The following DLGAP2 variants were observed in gnomAD, a reference collection of about 807,000 sequenced individuals.
The protein encoded by DLGAP2 is disks large-associated protein 2.
Under a neutral mutation model 100.3 loss-of-function variants are expected in DLGAP2, and 26 were observed. The ratio of observed to expected loss-of-function variants is 0.26; its 90% CI spans 0.19 to 0.36. DLGAP2 has a LOEUF of 0.36. Among genes scored for constraint, DLGAP2 ranks in the 10% least tolerant of loss-of-function variants. The pLI is 1.00. For missense variants in DLGAP2, 1,858 were observed against 1,453.2 expected (o/e 1.28, Z -4.53); for synonymous variants, 886 against 630.1 (o/e 1.41, Z -6.08).
chr8:761,184 C>T (rs1002353814), intron 1 of DLGAP2, among the ~76,000 whole-genome samples: 1 of 152,038 alleles, frequency 6.6e-6, no homozygotes, highest in African/African-American at 2.4e-5. Context: ...CTTCTCTGCT[C>T]CCCCCCACTT....
intron 1 of DLGAP2, among the ~76,000 whole-genome samples, chr8:777,494 G>C (rs200283863): frequency 3.0e-4 from 42 of 141,610 alleles, no homozygotes; most frequent in African/African-American, 1.1e-3. Flanking sequence ...GGTACCAGTT[G>C]TTCCTTTCCA....
At chr8:1,330,724 C>T (rs1245331627) in intron 3 of DLGAP2, among the ~76,000 whole-genome samples, 3 of 125,100 alleles carry the variant, frequency 2.4e-5, no homozygotes, top group Admixed American at 8.2e-5. Flanking sequence ...GTGGGAGCGC[C>T]ACTTCACCAG....
At chr8:749,608 A>T in intron 1 of DLGAP2, among the ~76,000 whole-genome samples, 1 of 152,210 alleles carries the variant, frequency 6.6e-6, no homozygotes, top group South Asian at 2.1e-4. Flanking sequence ...TACTTACAAA[A>T]ATGTTTGGCC....
chr8:1,049,200 C>G (rs762857740), intron 2 of DLGAP2, among the ~76,000 whole-genome samples: 1 of 152,120 alleles, frequency 6.6e-6, no homozygotes, highest in Non-Finnish European at 1.5e-5. Context: ...CATTGTCTCT[C>G]GAGTTACGGG....
At chr8:1,123,234 G>T (rs895824155) in intron 2 of DLGAP2, among the ~76,000 whole-genome samples, 7 of 152,130 alleles carry the variant, frequency 4.6e-5, no homozygotes, top group African/African-American at 1.4e-4. Flanking sequence ...AATGGCTTTT[G>T]CATTCTAAAA....
intron 1 of DLGAP2, among the ~76,000 whole-genome samples, chr8:819,182 G>A (rs1232646404): frequency 2.0e-5 from 3 of 152,210 alleles, no homozygotes; most frequent in Non-Finnish European, 4.4e-5. Flanking sequence ...TGTTAAGTAT[G>A]AGCGTAAGCT....
chr8:1,118,480 A>G (rs898473774), intron 2 of DLGAP2, among the ~76,000 whole-genome samples: 3 of 152,212 alleles, frequency 2.0e-5, no homozygotes, highest in African/African-American at 2.4e-5. Flanking sequence ...CACTGGGACA[A>G]ATGTCTTCAT....
chr8:1,510,973 T>C (rs559392083), intron 4 of DLGAP2, among the ~76,000 whole-genome samples: 11 of 152,248 alleles, frequency 7.2e-5, no homozygotes, highest in Admixed American at 2.6e-4. Context: ...GCTAATGAGT[T>C]AGGCTTCTCC....
intron 3 of DLGAP2, among the ~76,000 whole-genome samples, chr8:1,385,681 C>G (rs1585322952): frequency 8.7e-6 from 1 of 115,318 alleles, no homozygotes; most frequent in Non-Finnish European, 1.9e-5. Flanking sequence ...GTGCCCGTCC[C>G]CTGAGAACTT....
chr8:748,596 C>T (rs563506470), intron 1 of DLGAP2, among the ~76,000 whole-genome samples: 6 of 152,304 alleles, frequency 3.9e-5, no homozygotes, highest in South Asian at 2.1e-4. Context: ...TCATTTACCA[C>T]GCACTTTAGC....
intron 6 of DLGAP2, among the ~76,000 whole-genome samples, chr8:1,584,626 G>A (rs765960125): frequency 2.0e-5 from 3 of 152,290 alleles, no homozygotes; most frequent in South Asian, 4.1e-4. Flanking sequence ...GGGTTCCCAG[G>A]TCCCTGACGA....
At chr8:1,315,618 G>T (rs376138030) in intron 3 of DLGAP2, among the ~76,000 whole-genome samples, 1 of 136,238 alleles carries the variant, frequency 7.3e-6, no homozygotes, top group South Asian at 2.7e-4. Context: ...CGAGAAACTC[G>T]GCAGCTTTTA....
chr8:1,099,183 A>G (rs1804498233), intron 2 of DLGAP2, among the ~76,000 whole-genome samples: 2 of 152,126 alleles, frequency 1.3e-5, no homozygotes, highest in African/African-American at 4.8e-5. Context: ...TGGTGGTTTT[A>G]CCTGGCTGTG....
At chr8:830,085 T>G (rs1460245667) in intron 1 of DLGAP2, among the ~76,000 whole-genome samples, 2 of 152,226 alleles carry the variant, frequency 1.3e-5, no homozygotes, top group African/African-American at 4.8e-5. Context: ...TTTAATATAG[T>G]TCTAGGCAAA....
chr8:1,373,528 T>C (rs887115301), intron 3 of DLGAP2, among the ~76,000 whole-genome samples: 2 of 152,172 alleles, frequency 1.3e-5, no homozygotes, highest in Non-Finnish European at 2.9e-5. Context: ...CAGTGGGCAA[T>C]TGTTCTCTTC....
At chr8:1,152,628 C>T (rs1205359692) in intron 2 of DLGAP2, among the ~76,000 whole-genome samples, 2 of 152,160 alleles carry the variant, frequency 1.3e-5, no homozygotes, top group African/African-American at 4.8e-5. Context: ...GGGGAGGGAA[C>T]TCCCAGGGGT....
chr8:1,436,608 T>C (rs144434571), intron 3 of DLGAP2, among the ~76,000 whole-genome samples: 1 of 152,280 alleles, frequency 6.6e-6, no homozygotes, highest in African/African-American at 2.4e-5. Context: ...GGTTAACTTA[T>C]TATTGAGGAA....
At chr8:916,997 T>A (rs1458250958) in intron 2 of DLGAP2, among the ~76,000 whole-genome samples, 4 of 152,092 alleles carry the variant, frequency 2.6e-5, no homozygotes, top group Non-Finnish European at 4.4e-5. Context: ...CTCTCTAGGG[T>A]TTGCCCCTTC....
rs551963315 is a variant in DLGAP2 at position 1,065,710 on chromosome 8, C to T, written c.73+157744C>T. On this transcript the variant is annotated intron_variant, in intron 2 of 14. Coordinates refer to ENST00000637795, the MANE Select transcript of DLGAP2 (RefSeq NM_001346810.2). ...CCTGAGATTCATCTGTGCTGAACGT[C>T]GGCACTTCTGGTTATCCCATTTAAG... Among the ~76,000 whole-genome samples the T allele has an allele frequency of 4.6e-5, 7 of 152,304 alleles. No homozygotes were observed. In the South Asian group the frequency reaches 1.0e-3, roughly 23 times the overall value.
Sources: allele counts gnomAD v4.1 joint callset (sites outside exome capture counted in the v4.1 genomes callset), GRCh38; gene constraint gnomAD v4.1.1; transcripts MANE v1.5; gene names NCBI Gene and HGNC (gene_info 2026-07-23, HGNC 2026-07-21).